Variants in ARHGAP6 observed in about 807,000 individuals in gnomAD.
The protein encoded by ARHGAP6 is Rho GTPase activating protein 6, also known as rho GTPase-activating protein 6.
A neutral mutation model predicts 55.7 loss-of-function variants in ARHGAP6; 16 were observed. The ratio of observed to expected loss-of-function variants is 0.29; its 90% CI spans 0.19 to 0.44. ARHGAP6 has a LOEUF of 0.44. Among genes scored for constraint, ARHGAP6 ranks in the 20% least tolerant of loss-of-function variants. The pLI is 1.00. For missense variants in ARHGAP6, 698 were observed against 808.9 expected (o/e 0.86, Z 1.66); for synonymous variants, 382 against 360.9 (o/e 1.06, Z -0.66).
chrX:11,659,001 C>T (rs950387799), intron 1 of ARHGAP6, among the ~76,000 whole-genome samples: 4 of 110,535 alleles, frequency 3.6e-5, no homozygotes, highest in African/African-American at 1.3e-4. Flanking sequence ...TACAAACTTT[C>T]TCCTGGTTGA....
At chrX:11,186,691 A>G (rs1046100031) in intron 4 of ARHGAP6, among the ~76,000 whole-genome samples, 1 of 112,415 alleles carries the variant, frequency 8.9e-6, no homozygotes, top group African/African-American at 3.2e-5. Flanking sequence ...AAATGGAAGA[A>G]CAAGCGATGG....
intron 11 of ARHGAP6, chrX:11,143,449 A>G (rs1301619058): frequency 2.2e-5 from 12 of 546,321 alleles, no homozygotes; most frequent in African/African-American, 5.1e-5. Context: ...GGGAAGCTCA[A>G]TCGCTCACTG....
At chrX:11,347,287 G>A (rs2048801768) in intron 1 of ARHGAP6, among the ~76,000 whole-genome samples, 1 of 112,246 alleles carries the variant, frequency 8.9e-6, no homozygotes, top group Admixed American at 9.4e-5. Context: ...TTTGACATAA[G>A]TAAAAGCTTA....
At chrX:11,604,290 G>C (rs1187207658) in intron 1 of ARHGAP6, among the ~76,000 whole-genome samples, 3 of 111,542 alleles carry the variant, frequency 2.7e-5, no homozygotes, top group Non-Finnish European at 5.6e-5. Flanking sequence ...CACTGTACAA[G>C]AATCCCATCA....
At chrX:11,559,102 A>C (rs1017133777) in intron 1 of ARHGAP6, among the ~76,000 whole-genome samples, 1 of 107,820 alleles carries the variant, frequency 9.3e-6, no homozygotes, top group African/African-American at 3.4e-5. Context: ...CCTCCTCCAG[A>C]ACATCAGAGT....
chrX:11,313,764 T>C (rs1389382885), intron 1 of ARHGAP6, among the ~76,000 whole-genome samples: 2 of 112,396 alleles, frequency 1.8e-5, no homozygotes, highest in African/African-American at 6.5e-5. Flanking sequence ...CATGCTAAGA[T>C]GCTAGGTTTA....
At chrX:11,612,194 G>T (rs372590912) in intron 1 of ARHGAP6, among the ~76,000 whole-genome samples, 3 of 111,639 alleles carry the variant, frequency 2.7e-5, no homozygotes, top group South Asian at 3.8e-4. Flanking sequence ...CTGTTTGCCT[G>T]CACATAGCTG....
intron 1 of ARHGAP6, among the ~76,000 whole-genome samples, chrX:11,324,655 T>C (rs1273645230): frequency 9.0e-6 from 1 of 111,292 alleles, no homozygotes; most frequent in Non-Finnish European, 1.9e-5. Context: ...ATAAAAAAGA[T>C]TGCAATGACA....
At chrX:11,570,508 A>T (rs2051500857) in intron 1 of ARHGAP6, among the ~76,000 whole-genome samples, 1 of 110,961 alleles carries the variant, frequency 9.0e-6, no homozygotes. Flanking sequence ...GAGTGCTTAC[A>T]GTGTCCTAGG....
At chrX:11,256,065 TA>T (rs201051987) in intron 1 of ARHGAP6, among the ~76,000 whole-genome samples, 3,138 of 111,794 alleles carry the variant, frequency 0.028, 29 homozygotes, top group Middle Eastern at 0.056. Flanking sequence ...ATGGAACACT[TA>T]ACAGAATCCC....
intron 1 of ARHGAP6, chrX:11,351,710 G>C (rs2048865641): frequency 5.5e-6 from 2 of 361,252 alleles, no homozygotes; most frequent in Admixed American, 9.2e-5. Flanking sequence ...TTAATACTAG[G>C]CTGACTTCCC....
At chrX:11,206,760 C>T (rs1455374372) in intron 2 of ARHGAP6, among the ~76,000 whole-genome samples, 1 of 111,324 alleles carries the variant, frequency 9.0e-6, no homozygotes, top group Non-Finnish European at 1.9e-5. Flanking sequence ...TAATTTTAGG[C>T]ACACAGCAGC....
intron 1 of ARHGAP6, among the ~76,000 whole-genome samples, chrX:11,495,007 T>C (rs1353260216): frequency 3.6e-5 from 4 of 111,912 alleles, no homozygotes; most frequent in Non-Finnish European, 7.5e-5. Flanking sequence ...ATTTAGGAAA[T>C]ATTGGAACAA....
At chrX:11,263,436 T>C (rs533989539) in intron 1 of ARHGAP6, among the ~76,000 whole-genome samples, 48 of 111,826 alleles carry the variant, frequency 4.3e-4, no homozygotes, top group Admixed American at 1.2e-3. Flanking sequence ...TTTATGGTGA[T>C]ACAAGAAGGA....
chrX:11,354,065 A>G (rs955653957), intron 1 of ARHGAP6, among the ~76,000 whole-genome samples: 3 of 110,113 alleles, frequency 2.7e-5, no homozygotes, highest in Admixed American at 1.9e-4. Context: ...ACAACCTGGT[A>G]GTGACATGGT....
At chrX:11,161,127 C>T (rs2045936996) in intron 9 of ARHGAP6, among the ~76,000 whole-genome samples, 1 of 111,853 alleles carries the variant, frequency 8.9e-6, no homozygotes, top group Non-Finnish European at 1.9e-5. Flanking sequence ...GAAATGATGC[C>T]TGAAACTGAT....
chrX:11,354,144 C>T (rs1238470493), intron 1 of ARHGAP6, among the ~76,000 whole-genome samples: 1 of 108,785 alleles, frequency 9.2e-6, no homozygotes, highest in East Asian at 2.9e-4. Flanking sequence ...AGAGAACCTA[C>T]CAGTTGTGAA....
intron 1 of ARHGAP6, among the ~76,000 whole-genome samples, chrX:11,634,837 G>T (rs753612106): frequency 1.6e-4 from 18 of 111,973 alleles, no homozygotes; most frequent in African/African-American, 5.5e-4. Flanking sequence ...AAGATTTTGT[G>T]GGTCAAGAAT....
At chrX:11,351,067 C>G (rs1456254386) in intron 1 of ARHGAP6, among the ~76,000 whole-genome samples, 2 of 108,912 alleles carry the variant, frequency 1.8e-5, no homozygotes, top group Non-Finnish European at 3.8e-5. Context: ...CACACACACA[C>G]ACACACACAC....
Sources: allele counts gnomAD v4.1 joint callset (sites outside exome capture counted in the v4.1 genomes callset), GRCh38; gene constraint gnomAD v4.1.1; transcripts MANE v1.5; gene names NCBI Gene and HGNC (gene_info 2026-07-23, HGNC 2026-07-21).